MMP17: variants seen among roughly 807,000 people sequenced by gnomAD.
MMP17 encodes the protein matrix metalloproteinase-17.
In MMP17, 54 loss-of-function variants were observed where a neutral mutation model predicts 49.1. The ratio of observed to expected loss-of-function variants is 1.10; its 90% CI spans 0.88 to 1.38. The LOEUF (loss-of-function observed/expected upper bound fraction) is 1.38, where lower values mean the gene tolerates loss of function less well. Among genes scored for constraint, MMP17 ranks in the 40% most tolerant of loss-of-function variants. The probability of loss-of-function intolerance (pLI) is 0.00; values close to 1 mark genes in which losing one functional copy is unlikely to be tolerated. For missense variants in MMP17, 837 were observed against 853.7 expected (o/e 0.98, Z 0.24); for synonymous variants, 397 against 383.1 (o/e 1.04, Z -0.42).
At position 131,840,682 on chromosome 12, in the gene MMP17, G is replaced by A. The variant is rs768891718; in HGVS notation, c.532G>A (p.Val178Met). ...CATTGCGCCCCTGAACTTCCACGAGGTGGCGGGCAGCGCCGCCGACATCCA... is the reference window on the plus strand; with the variant it reads ...CATTGCGCCCCTGAACTTCCACGAGATGGCGGGCAGCGCCGCCGACATCCA... ...SDIAPLNFHEVAGSAADIQID... is the reference protein window; with the variant it reads ...SDIAPLNFHEMAGSAADIQID... Residue 178 changes from valine to methionine, a missense_variant, in exon 4 of 10, where the codon GTG becomes ATG. Val to Met is a conservative substitution (Grantham distance 21, BLOSUM62 1). Coordinates refer to ENST00000360564, the MANE Select transcript of MMP17 (RefSeq NM_016155.7). 1.9e-6 allele frequency: 3 copies of A among 1,607,702 alleles called. No individual in the cohort carries two copies. The highest frequency in any genetic ancestry group is 2.5e-6 in the Non-Finnish European group (3 of 1,179,952).
chr12:131,849,792 T>G lies in MMP17; in HGVS notation c.1205-10T>G, dbSNP rs765307406. The G allele has an allele frequency of 1.2e-6, 2 of 1,605,070 alleles. No individual in the cohort carries two copies. The highest frequency in any genetic ancestry group is 4.5e-5 in the East Asian group (2 of 44,682). On this transcript the variant is annotated splice_polypyrimidine_tract_variant and intron_variant, in intron 8 of 9. Transcript: ENST00000360564. ...GAGCCCCGGCCCACAGCTGTTTCTC[T>G]CGCCCCCAGGAGACAGGTACTGGGT...
At chr12:131,849,719 A>C in intron 8 of MMP17, 83 bp from the exon 9 acceptor site, 1 of 1,504,372 alleles carries the variant, frequency 6.6e-7, no homozygotes, top group Non-Finnish European at 9.0e-7. Context: ...AGGGCGGCTG[A>C]CACAGGAGAA....
chr12:131,838,045 G>A, intron 1 of MMP17, 150 bp from the exon 2 acceptor site: 1 of 994,154 alleles, frequency 1.0e-6, no homozygotes, highest in Non-Finnish European at 1.5e-6. Context: ...TTTTCCGGCA[G>A]CTGCCCAGGG....
chr12:131,850,018 G>A lies in MMP17; in HGVS notation c.1421G>A (p.Gly474Asp), dbSNP rs1016615677. The A allele has an allele frequency of 6.2e-7, 1 of 1,613,268 alleles. No individual in the cohort carries two copies. Among genetic ancestry groups the A allele is most frequent in the East Asian group, 2.2e-5 (1 of 44,890 alleles). ...GYPAQSPLWR[G>D]VPSTLDDAMR... Reference sequence around the variant, plus strand: ...CCCGCCCAGAGCCCCCTGTGGAGGGGTGTCCCCAGCACGCTGGACGACGCC... The same window carrying A: ...CCCGCCCAGAGCCCCCTGTGGAGGGATGTCCCCAGCACGCTGGACGACGCC... Residue 474 changes from glycine (G) to aspartate (D), a missense_variant, in exon 9 of 10, where the codon GGT (glycine) becomes GAT (aspartate). Transcript: ENST00000360564.
intron 1 of MMP17, among the ~76,000 whole-genome samples, chr12:131,836,399 C>A (rs1160900336): frequency 6.6e-6 from 1 of 151,998 alleles, no homozygotes; most frequent in East Asian, 1.9e-4. Context: ...CACCCCATCA[C>A]CAGCTCCTGC....
intron 1 of MMP17, among the ~76,000 whole-genome samples, chr12:131,835,507 G>A (rs371035858): frequency 1.3e-5 from 2 of 152,340 alleles, no homozygotes; most frequent in Admixed American, 1.3e-4. Flanking sequence ...GGACCAGAGT[G>A]GGGGGTGCCC....
Position 131,845,163 on chromosome 12 carries a change from G to A in MMP17, c.1014G>A (p.Ala338=), listed in dbSNP as rs748291671. ...VPHRCSTHFD[A]VAQIRGEAFF... ...ACAGATGCAGCACTCACTTTGACGC[G>A]GTGGCCCAGATCCGGGGTGAAGCTT... Residue 338 remains alanine (A), a synonymous_variant, in exon 7 of 10, where the codon GCG becomes GCA. Coordinates refer to ENST00000360564, the MANE Select transcript of MMP17 (RefSeq NM_016155.7). 5.0e-6 allele frequency: 8 copies of A among 1,613,900 alleles called. No homozygotes were observed. In the Admixed American group the frequency reaches 5.0e-5, roughly 10 times the overall value.
chr12:131,832,385 G>GA (rs1180674815), intron 1 of MMP17, among the ~76,000 whole-genome samples: 1 of 128,996 alleles, frequency 7.8e-6, no homozygotes, highest in Non-Finnish European at 1.7e-5. Context: ...TCTTGTGGGG[G>GA]AACGGGAAGG....
chr12:131,833,494 G>A (rs367684537), intron 1 of MMP17, among the ~76,000 whole-genome samples: 5 of 152,208 alleles, frequency 3.3e-5, no homozygotes, highest in Non-Finnish European at 7.4e-5. Flanking sequence ...GCTGGAGCAA[G>A]GGGGTCACTC....
chr12:131,838,488 C>A lies in MMP17; in HGVS notation c.293-124C>A, dbSNP rs752521451. ...CCTGGGGCTGGTCCCCCAAAGATGA[C>A]GTGGGAGGAGGGGGCGGCTCGGAGG... On this transcript the variant is annotated intron_variant, in intron 2 of 9. Coordinates refer to ENST00000360564, the MANE Select transcript of MMP17 (RefSeq NM_016155.7). 29 of 1,455,022 alleles carry A rather than the reference C, an allele frequency of 2.0e-5. No homozygotes were observed. The South Asian group carries it at 3.3e-4, about 17-fold the overall frequency. 90.1% of individuals were successfully genotyped at this position (1,455,022 alleles called of 1,614,324 possible). A position where few individuals can be genotyped will look rare whatever the true frequency, so the allele number is the denominator to read the frequency against.
At chr12:131,838,516 G>A in intron 2 of MMP17, 96 bp from the exon 3 acceptor site, 1 of 1,495,686 alleles carries the variant, frequency 6.7e-7, no homozygotes, top group Non-Finnish European at 8.9e-7. Flanking sequence ...CTCGGAGGCT[G>A]GTGCCAGAGT....
intron 4 of MMP17, 36 bp downstream of exon 4, chr12:131,840,892 G>A (rs756259191): frequency 2.6e-6 from 4 of 1,532,286 alleles, no homozygotes; most frequent in Non-Finnish European, 2.6e-6. Flanking sequence ...AGAGTCAGGA[G>A]CCCCAGCGGC....
chr12:131,848,111 A>T (rs55735821), intron 8 of MMP17, among the ~76,000 whole-genome samples: 27,340 of 152,078 alleles, frequency 0.18, 2,744 homozygotes, highest in Non-Finnish European at 0.22. Context: ...TTTGAGACAG[A>T]GTCTCACTCT....
chr12:131,844,192 G>A, intron 6 of MMP17, 111 bp downstream of exon 6: 1 of 883,058 alleles, frequency 1.1e-6, no homozygotes, highest in East Asian at 2.7e-5. Context: ...ACGCACAGCT[G>A]TGTGGCCGAC....
intron 1 of MMP17, among the ~76,000 whole-genome samples, chr12:131,830,269 T>C (rs1886722927): frequency 6.6e-6 from 1 of 152,326 alleles, no homozygotes; most frequent in East Asian, 1.9e-4. Context: ...GGCTGGTACC[T>C]GCGCCTCGGT....
Position 131,845,461 on chromosome 12 carries a change from T to G in MMP17, c.1204+12T>G. 6.5e-7 allele frequency: 1 copy of G among 1,548,622 alleles called. No homozygotes were observed. Among genetic ancestry groups the G allele is most frequent in the Non-Finnish European group, 8.7e-7 (1 of 1,149,728 alleles). ...CGTCTTCTTTAAAGGTGGGTGGGCCTCCCCGTCGCACTCCGGGCTTCCCGG... is the reference window on the plus strand; with the variant it reads ...CGTCTTCTTTAAAGGTGGGTGGGCCGCCCCGTCGCACTCCGGGCTTCCCGG... On this transcript the variant is annotated intron_variant, in intron 8 of 9. Coordinates refer to ENST00000360564, the MANE Select transcript of MMP17 (RefSeq NM_016155.7).
At position 131,850,031 on chromosome 12, in the gene MMP17, G is replaced by A. The variant is rs200355949; in HGVS notation, c.1434G>A (p.Thr478=). The change falls in exon 9 of 10, where the codon ACG becomes ACA. Residue 478 remains threonine, a synonymous_variant. Coordinates refer to ENST00000360564, the MANE Select transcript of MMP17 (RefSeq NM_016155.7). The stretch of plus-strand genomic sequence containing the variant: ...CCCTGTGGAGGGGTGTCCCCAGCAC[G>A]CTGGACGACGCCATGCGCTGGTCCG... ...QSPLWRGVPS[T]LDDAMRWSDG... is the part of the protein sequence containing the mutation. The A allele has an allele frequency of 1.5e-4, 242 of 1,612,758 alleles. 2 individuals are homozygous for A. In the East Asian group the frequency reaches 3.7e-3, roughly 25 times the overall value.
chr12:131,841,832 C>A, intron 5 of MMP17, 32 bp downstream of exon 5: 1 of 1,531,098 alleles, frequency 6.5e-7, no homozygotes, highest in East Asian at 2.4e-5. Context: ...GACACAGGGC[C>A]CCTGGAAGAG....
chr12:131,842,905 C>G (rs924549012), intron 5 of MMP17, among the ~76,000 whole-genome samples: 1 of 152,230 alleles, frequency 6.6e-6, no homozygotes, highest in East Asian at 1.9e-4. Flanking sequence ...CCGAAGGAGA[C>G]CCGACGCCCA....
Sources: allele counts gnomAD v4.1 joint callset (sites outside exome capture counted in the v4.1 genomes callset), GRCh38; gene constraint gnomAD v4.1.1; transcripts MANE v1.5; gene names NCBI Gene and HGNC (gene_info 2026-07-23, HGNC 2026-07-21).